Variants in BCL2 observed in about 807,000 individuals in gnomAD.
BCL2 encodes the protein BCL2 apoptosis regulator, also known as apoptosis regulator Bcl-2.
In BCL2, 1 loss-of-function variant was observed where a neutral mutation model predicts 14.2. That is an observed-to-expected ratio of 0.07 (90% CI 0.02 to 0.33). The LOEUF (loss-of-function observed/expected upper bound fraction) is 0.33. Among genes scored for constraint, BCL2 ranks in the 10% least tolerant of loss-of-function variants. The probability of loss-of-function intolerance (pLI) is 0.99; values close to 1 mark genes in which losing one functional copy is unlikely to be tolerated. For synonymous variants in BCL2, 151 were observed against 137.2 expected (o/e 1.10, Z -0.70); for missense variants, 247 against 305.9 (o/e 0.81, Z 1.44).
At chr18:63,199,075 C>T (rs1909599636) in intron 2 of BCL2, among the ~76,000 whole-genome samples, 1 of 150,692 alleles carries the variant, frequency 6.6e-6, no homozygotes, top group South Asian at 2.1e-4. Context: ...ACAACACATG[C>T]ACACATAGAG....
At chr18:63,244,918 A>G (rs1029138961) in intron 2 of BCL2, among the ~76,000 whole-genome samples, 2 of 152,124 alleles carry the variant, frequency 1.3e-5, no homozygotes, top group African/African-American at 4.8e-5. Flanking sequence ...TCTCTCTCTC[A>G]ATCTGTTTAT....
At chr18:63,319,125 G>A (rs956782606) in intron 1 of BCL2, 49 bp downstream of exon 1, 2 of 966,696 alleles carry the variant, frequency 2.1e-6, no homozygotes, top group African/African-American at 3.4e-5. Flanking sequence ...AATCTCAAAG[G>A]TTTCCATTGA....
chr18:63,313,427 G>A (rs1445498565), intron 2 of BCL2, among the ~76,000 whole-genome samples: 1 of 152,196 alleles, frequency 6.6e-6, no homozygotes, highest in Non-Finnish European at 1.5e-5. Flanking sequence ...CCTACATGTG[G>A]TTGACAGAAA....
intron 2 of BCL2, among the ~76,000 whole-genome samples, chr18:63,309,092 A>T (rs2144300767): frequency 6.6e-6 from 1 of 152,344 alleles, no homozygotes. Context: ...TGGGAAGCCA[A>T]GCTTTGAACA....
chr18:63,134,852 G>A (rs1284709829), intron 2 of BCL2, among the ~76,000 whole-genome samples: 1 of 152,108 alleles, frequency 6.6e-6, no homozygotes, highest in African/African-American at 2.4e-5. Flanking sequence ...CACAGCTATC[G>A]AATGACTTTG....
intron 2 of BCL2, among the ~76,000 whole-genome samples, chr18:63,223,268 C>T (rs1383092283): frequency 4.6e-5 from 7 of 152,012 alleles, no homozygotes; most frequent in African/African-American, 1.7e-4. Context: ...GGCGTGGTGG[C>T]GGGCACCTGT....
chr18:63,236,531 A>G (rs1016236888), intron 2 of BCL2, among the ~76,000 whole-genome samples: 4 of 152,238 alleles, frequency 2.6e-5, no homozygotes, highest in African/African-American at 9.6e-5. Flanking sequence ...AACTTAGGGC[A>G]GGCGGGTGAA....
In BCL2 at chr18:63,312,079, T is replaced by A. The variant is rs1260012351; in HGVS notation, c.585+6003A>T. The stretch of plus-strand genomic sequence containing the variant: ...AGGATAGTGTCTGGTCACAGAATTT[T>A]GACCTGCCCAGCTGCCTGCAGCAAG... On this transcript the variant is annotated intron_variant, in intron 2 of 2. Coordinates refer to ENST00000333681, the MANE Select transcript of BCL2 (RefSeq NM_000633.3). Among the ~76,000 whole-genome samples the A allele has an allele frequency of 2.0e-5, 3 of 152,252 alleles. No individual in the cohort carries two copies. The South Asian group carries it at 6.2e-4, about 31-fold the overall frequency.
intron 2 of BCL2, among the ~76,000 whole-genome samples, chr18:63,136,801 C>T (rs1001331233): frequency 3.3e-5 from 5 of 152,322 alleles, no homozygotes; most frequent in African/African-American, 1.2e-4. Flanking sequence ...CCCCAGCACT[C>T]CTAGCTGGCC....
intron 2 of BCL2, among the ~76,000 whole-genome samples, chr18:63,268,288 C>G (rs1343783099): frequency 1.3e-5 from 2 of 152,180 alleles, no homozygotes; most frequent in African/African-American, 4.8e-5. Flanking sequence ...TTCAGCAAAA[C>G]CAACCCCCAG....
chr18:63,312,635 T>C (rs972157749), intron 2 of BCL2, among the ~76,000 whole-genome samples: 1 of 152,214 alleles, frequency 6.6e-6, no homozygotes, highest in African/African-American at 2.4e-5. Context: ...TCTTGATAAA[T>C]AGAACAGTAA....
chr18:63,148,501 C>T (rs971329331), intron 2 of BCL2, among the ~76,000 whole-genome samples: 3 of 152,062 alleles, frequency 2.0e-5, no homozygotes, highest in African/African-American at 7.2e-5. Flanking sequence ...TTAGCTTAAT[C>T]CTTAATCTTT....
At chr18:63,193,592 G>GTATT (rs1365446790) in intron 2 of BCL2, among the ~76,000 whole-genome samples, 1 of 149,828 alleles carries the variant, frequency 6.7e-6, no homozygotes, top group Non-Finnish European at 1.5e-5. Flanking sequence ...ATGTGTGTGT[G>GTATT]TGTGTGTGTG....
At chr18:63,310,008 G>A (rs564194228) in intron 2 of BCL2, among the ~76,000 whole-genome samples, 90 of 151,802 alleles carry the variant, frequency 5.9e-4, no homozygotes, top group African/African-American at 2.1e-3. Context: ...GATTACAGGC[G>A]CCCACCACCA....
chr18:63,256,448 C>T (rs1351930046), intron 2 of BCL2, among the ~76,000 whole-genome samples: 1 of 152,210 alleles, frequency 6.6e-6, no homozygotes, highest in African/African-American at 2.4e-5. Flanking sequence ...AACTTCCGAC[C>T]TCGAGTGATC....
At chr18:63,140,795 G>A (rs1210395068) in intron 2 of BCL2, among the ~76,000 whole-genome samples, 2 of 152,176 alleles carry the variant, frequency 1.3e-5, no homozygotes, top group Non-Finnish European at 2.9e-5. Context: ...GGAATTTTAT[G>A]GCACGTGAAC....
chr18:63,166,118 G>A (rs554734868), intron 2 of BCL2, among the ~76,000 whole-genome samples: 1 of 152,204 alleles, frequency 6.6e-6, no homozygotes. Flanking sequence ...CTCGGAGGGG[G>A]ACTGTGGGCT....
Position 63,223,276 on chromosome 18 carries a change from T to A in BCL2, c.586-94517A>T, listed in dbSNP as rs144875988. ...TTAGCCGGGCGTGGTGGCGGGCACC[T>A]GTAGTCCCAGCTACTTGGGAGGCTG... On this transcript the variant is annotated intron_variant, in intron 2 of 2. Transcript: ENST00000333681. 8.6e-3 allele frequency among the ~76,000 whole-genome samples: 1,303 copies of A among 152,158 alleles called. 17 individuals are homozygous for A. The highest frequency in any genetic ancestry group is 0.031 in the African/African-American group (1,269 of 41,532).
chr18:63,126,519 G>A lies in BCL2; in HGVS notation c.*2106C>T, dbSNP rs142756703. On this transcript the variant is annotated 3_prime_UTR_variant, in exon 3 of 3. Coordinates refer to ENST00000333681, the MANE Select transcript of BCL2 (RefSeq NM_000633.3). ...ATTAAATGCGGAATTGCCCAGGGACGAGGAAACCTTCAAGAAACAAGGTCA... is the reference window on the plus strand; with the variant it reads ...ATTAAATGCGGAATTGCCCAGGGACAAGGAAACCTTCAAGAAACAAGGTCA... 14 of 228,866 alleles carry A rather than the reference G, an allele frequency of 6.1e-5. No homozygotes were observed. The highest frequency in any genetic ancestry group is 9.5e-5 in the Non-Finnish European group (11 of 115,290). The allele number at this position is 228,866 out of a possible 1,614,324, so 14.2% of individuals were successfully genotyped here.
Sources: allele counts gnomAD v4.1 joint callset (sites outside exome capture counted in the v4.1 genomes callset), GRCh38; gene constraint gnomAD v4.1.1; transcripts MANE v1.5; gene names NCBI Gene and HGNC (gene_info 2026-07-23, HGNC 2026-07-21).